GPM6A: variants seen among roughly 807,000 people sequenced by gnomAD.
The protein encoded by GPM6A is glycoprotein M6A, also known as neuronal membrane glycoprotein M6-a.
Under a neutral mutation model 32.1 loss-of-function variants are expected in GPM6A, and 7 were observed. The ratio of observed to expected loss-of-function variants is 0.22; its 90% CI spans 0.12 to 0.41. The LOEUF (loss-of-function observed/expected upper bound fraction) is 0.41. GPM6A is among the 10% of genes least tolerant of loss of function. The probability of loss-of-function intolerance (pLI) is 1.00; values close to 1 mark genes in which losing one functional copy is unlikely to be tolerated. For missense variants in GPM6A, 235 were observed against 347.2 expected, an observed-to-expected ratio of 0.68 and a Z score of 2.57; for synonymous variants, 130 against 123.4, an observed-to-expected ratio of 1.05 and a Z score of -0.35.
At chr4:175,970,382 G>T (rs752376796) in intron 1 of GPM6A, among the ~76,000 whole-genome samples, 1 of 151,916 alleles carries the variant, frequency 6.6e-6, no homozygotes, top group Non-Finnish European at 1.5e-5. Context: ...CCATGGAAAA[G>T]AACAAAATTC....
chr4:175,832,351 G>A (rs545746466), intron 1 of GPM6A, among the ~76,000 whole-genome samples: 1 of 152,206 alleles, frequency 6.6e-6, no homozygotes, highest in East Asian at 1.9e-4. Context: ...ATAAAGACAA[G>A]GAGGATAAAG....
rs146272841 is a variant in GPM6A, at chr4:175,640,194, G to A, written c.619C>T (p.Leu207=). The change falls in exon 6 of 7, where the codon CTG becomes TTG. Residue 207 remains leucine (L), a splice_region_variant and synonymous_variant. Transcript: ENST00000393658. ...NFLRMCESTE[L]NMTFHLFIVA... is the part of the protein sequence containing the mutation. The stretch of plus-strand genomic sequence containing the variant: ...ATAAACAAGTGGAAGGTCATGTTCA[G>A]CTGCAATGGAAACCACAGAGAATCA... 1.1e-4 allele frequency: 177 copies of A among 1,612,600 alleles called. 1 individual carries two copies. The highest frequency in any genetic ancestry group is 9.7e-4 in the South Asian group (88 of 91,046).
At chr4:175,836,246 C>T (rs1735765111) in intron 1 of GPM6A, among the ~76,000 whole-genome samples, 1 of 152,082 alleles carries the variant, frequency 6.6e-6, no homozygotes, top group Admixed American at 6.6e-5. Flanking sequence ...ATACAGCAAG[C>T]CTAATTTTTC....
intron 2 of GPM6A, among the ~76,000 whole-genome samples, chr4:175,688,518 T>C (rs1166736451): frequency 6.6e-6 from 1 of 152,180 alleles, no homozygotes; most frequent in African/African-American, 2.4e-5. Context: ...AGTTTATTTC[T>C]GGGTTGTCTA....
chr4:175,957,525 G>A (rs1740026075), intron 1 of GPM6A, among the ~76,000 whole-genome samples: 1 of 143,692 alleles, frequency 7.0e-6, no homozygotes, highest in African/African-American at 2.5e-5. Flanking sequence ...AGAACACATG[G>A]ACACAGGGAG....
At chr4:175,776,432 A>T (rs1172326509) in intron 1 of GPM6A, among the ~76,000 whole-genome samples, 2 of 152,160 alleles carry the variant, frequency 1.3e-5, no homozygotes, top group Non-Finnish European at 2.9e-5. Context: ...AGAAGCTCAC[A>T]CTGAAAGAGC....
chr4:175,893,635 T>A (rs1737711469), intron 1 of GPM6A, among the ~76,000 whole-genome samples: 1 of 152,166 alleles, frequency 6.6e-6, no homozygotes, highest in South Asian at 2.1e-4. Flanking sequence ...ACCCCCTGAA[T>A]AGATAATATT....
chr4:175,805,798 T>C (rs1485345694), intron 1 of GPM6A: 1 of 152,204 alleles, frequency 6.6e-6, no homozygotes, highest in East Asian at 1.9e-4. Flanking sequence ...CTTAATTCCC[T>C]AGTAAACTCT....
chr4:175,662,109 ATAT>A (rs1178575833), intron 3 of GPM6A, among the ~76,000 whole-genome samples: 2 of 152,158 alleles, frequency 1.3e-5, no homozygotes, highest in African/African-American at 4.8e-5. Flanking sequence ...GGCATATTTA[ATAT>A]TATTATGATT....
At chr4:175,887,054 G>A (rs945458818) in intron 1 of GPM6A, among the ~76,000 whole-genome samples, 1 of 151,764 alleles carries the variant, frequency 6.6e-6, no homozygotes, top group African/African-American at 2.4e-5. Flanking sequence ...CATTGTTATA[G>A]AATACAAAAA....
chr4:175,663,401 T>C (rs1418062203), intron 3 of GPM6A, among the ~76,000 whole-genome samples: 3 of 152,164 alleles, frequency 2.0e-5, no homozygotes, highest in Admixed American at 1.3e-4. Flanking sequence ...TGGGGAGAGA[T>C]ACTGGTCAAA....
At chr4:175,706,583 C>T (rs7695845) in intron 1 of GPM6A, among the ~76,000 whole-genome samples, 54,573 of 152,032 alleles carry the variant, frequency 0.36, 12,191 homozygotes, top group Non-Finnish European at 0.49. Context: ...TCCTGACCTA[C>T]GTCATTTTTG....
chr4:175,787,102 T>C (rs1357968594), intron 1 of GPM6A, among the ~76,000 whole-genome samples: 1 of 152,072 alleles, frequency 6.6e-6, no homozygotes, highest in Admixed American at 6.6e-5. Context: ...CTTTTTTTTG[T>C]TGTTGTTTTT....
chr4:175,639,973 G>T (rs1741040626), intron 6 of GPM6A, among the ~76,000 whole-genome samples, 156 bp downstream of exon 6: 1 of 151,822 alleles, frequency 6.6e-6, no homozygotes, highest in African/African-American at 2.4e-5. Context: ...TCTTGTTGTT[G>T]ACTTACTTAC....
At chr4:175,781,914 G>T (rs1465382452) in intron 1 of GPM6A, among the ~76,000 whole-genome samples, 1 of 152,078 alleles carries the variant, frequency 6.6e-6, no homozygotes, top group African/African-American at 2.4e-5. Context: ...TTAAAGCGTG[G>T]TTTTATAATA....
At chr4:175,920,087 A>G (rs10520314) in intron 1 of GPM6A, among the ~76,000 whole-genome samples, 18,702 of 152,276 alleles carry the variant, frequency 0.12, 1,188 homozygotes, top group South Asian at 0.25. Flanking sequence ...TACGCCATCA[A>G]TTGTGCATGT....
chr4:175,655,466 A>C (rs1346787500), intron 3 of GPM6A, among the ~76,000 whole-genome samples: 1 of 152,044 alleles, frequency 6.6e-6, no homozygotes, highest in African/African-American at 2.4e-5. Flanking sequence ...CATAATTATA[A>C]ATTTATTTCT....
At chr4:175,975,148 C>T (rs1045995153) in intron 1 of GPM6A, among the ~76,000 whole-genome samples, 19 of 152,226 alleles carry the variant, frequency 1.2e-4, no homozygotes, top group African/African-American at 4.6e-4. Flanking sequence ...CTCTGAGCAG[C>T]AGCCTCTCTT....
intron 1 of GPM6A, among the ~76,000 whole-genome samples, chr4:175,738,775 A>G (rs1731764627): frequency 6.6e-6 from 1 of 152,348 alleles, no homozygotes; most frequent in Non-Finnish European, 1.5e-5. Context: ...AAACAATTTA[A>G]TGTGCAGATA....
Sources: allele counts gnomAD v4.1 joint callset (sites outside exome capture counted in the v4.1 genomes callset), GRCh38; gene constraint gnomAD v4.1.1; transcripts MANE v1.5; gene names NCBI Gene and HGNC (gene_info 2026-07-23, HGNC 2026-07-21).